KAZN: variants seen among roughly 807,000 people sequenced by gnomAD.
KAZN encodes kazrin, periplakin interacting protein.
In KAZN, 40 loss-of-function variants were observed where a neutral mutation model predicts 87.4. The observed-to-expected ratio is 0.46, with a 90% CI of 0.36 to 0.60. The LOEUF (loss-of-function observed/expected upper bound fraction) is 0.60. Ranked by LOEUF, KAZN falls within the 20% of genes least tolerant of loss-of-function variation. The pLI is 0.00. For missense variants in KAZN, 898 were observed against 1,073.9 expected (o/e 0.84, Z 2.29); for synonymous variants, 466 against 458.3 (o/e 1.02, Z -0.22).
chr1:13,943,063 G>A (rs1232306371), intron 1 of KAZN, among the ~76,000 whole-genome samples: 3 of 152,168 alleles, frequency 2.0e-5, no homozygotes, highest in Admixed American at 2.0e-4. Context: ...AAGAGATACT[G>A]GCCAAGATTT....
chr1:13,977,824 G>A (rs1178753824), intron 1 of KAZN, among the ~76,000 whole-genome samples: 1 of 152,150 alleles, frequency 6.6e-6, no homozygotes, highest in Non-Finnish European at 1.5e-5. Context: ...ATTTCACCTT[G>A]ATGCAATTGT....
intron 1 of KAZN, among the ~76,000 whole-genome samples, chr1:14,729,804 G>T (rs534180709): frequency 1.3e-5 from 2 of 152,266 alleles, no homozygotes; most frequent in Non-Finnish European, 1.5e-5. Context: ...GCCTGTTTCC[G>T]TGTGGCCTAT....
chr1:13,894,393 T>G (rs1638954724), intron 1 of KAZN, among the ~76,000 whole-genome samples: 1 of 57,238 alleles, frequency 1.7e-5, no homozygotes, highest in Non-Finnish European at 3.0e-5. Context: ...GATGCACATG[T>G]GGTCACATAA....
intron 1 of KAZN, among the ~76,000 whole-genome samples, chr1:14,718,180 GCAC>G (rs1642907262): frequency 6.6e-6 from 1 of 152,208 alleles, no homozygotes; most frequent in South Asian, 2.1e-4. Context: ...CCAGCTGTTT[GCAC>G]CACCACTTCA....
intron 2 of KAZN, among the ~76,000 whole-genome samples, chr1:14,452,634 G>C (rs193166666): frequency 2.7e-4 from 41 of 151,974 alleles, no homozygotes; most frequent in Admixed American, 1.4e-3. Context: ...ATACAGGGAA[G>C]AGTCAGATGG....
In KAZN at chr1:14,988,679, G is replaced by A. The variant is rs1414421919; in HGVS notation, c.418+27804G>A. On this transcript the variant is annotated intron_variant, in intron 2 of 14. Transcript: ENST00000376030. ...ATCCCTATTCTTAAGTATCTGTTTG[G>A]GCTGGGGCTGTCACTCCACTGATGC... Among the ~76,000 whole-genome samples the A allele has an allele frequency of 3.3e-5, 5 of 152,172 alleles. No individual in the cohort carries two copies. In the East Asian group the frequency reaches 9.6e-4, roughly 29 times the overall value.
chr1:14,535,406 G>T (rs531786637), intron 2 of KAZN, among the ~76,000 whole-genome samples: 3 of 152,208 alleles, frequency 2.0e-5, no homozygotes, highest in Admixed American at 2.0e-4. Context: ...GTGGGCTCAC[G>T]CCTGTAATCC....
chr1:14,791,514 GC>G (rs1645673813), intron 1 of KAZN, among the ~76,000 whole-genome samples: 1 of 152,216 alleles, frequency 6.6e-6, no homozygotes, highest in South Asian at 2.1e-4. Context: ...TGACTTGCAA[GC>G]CCCCAGTCTC....
chr1:14,943,000 T>TG lies in KAZN; in HGVS notation c.227-17683dup, dbSNP rs111894206. On this transcript the variant is annotated intron_variant, in intron 1 of 14. Coordinates refer to ENST00000376030, the MANE Select transcript of KAZN (RefSeq NM_201628.3). ...GAACTGGATGTGAGCTGCGTGTGTG[T>TG]GTGTGTGGTGTGTGTGTGTGTGTGT... is the stretch of plus-strand genomic sequence containing the variant. Among the ~76,000 whole-genome samples the TG allele has an allele frequency of 2.8e-3, 343 of 123,988 alleles. 3 individuals carry two copies. The highest frequency in any genetic ancestry group is 9.3e-3 in the African/African-American group (249 of 26,804). 81.3% of individuals were successfully genotyped at this position (123,988 alleles called of 152,430 possible). A position where few individuals can be genotyped will look rare whatever the true frequency, so the allele number is the denominator to read the frequency against.
chr1:14,642,378 T>C (rs1680471830), intron 1 of KAZN, among the ~76,000 whole-genome samples: 1 of 152,220 alleles, frequency 6.6e-6, no homozygotes, highest in East Asian at 1.9e-4. Flanking sequence ...CCAGCCTGGG[T>C]GACAGAGTGA....
intron 2 of KAZN, among the ~76,000 whole-genome samples, chr1:14,250,591 C>G (rs558070592): frequency 2.6e-5 from 4 of 151,406 alleles, no homozygotes; most frequent in African/African-American, 9.7e-5. Flanking sequence ...TGGTGAGATT[C>G]AACATTAAGA....
rs1344189047 is a variant in KAZN, at chr1:14,805,804, T to TAATAAA, written c.227-154878_227-154877insTAAAAA. ...ATAATAATAATAATAATAATAATAATAAATTAAAATCTGGCTAGATAGGTG... is the reference window on the plus strand; with the variant it reads ...ATAATAATAATAATAATAATAATAATAATAAAAAATTAAAATCTGGCTAGATAGGTG... On this transcript the variant is annotated intron_variant, in intron 1 of 14. Coordinates refer to ENST00000376030, the MANE Select transcript of KAZN (RefSeq NM_201628.3). Among the ~76,000 whole-genome samples the TAATAAA allele has an allele frequency of 2.1e-4, 27 of 126,014 alleles. No individual in the cohort carries two copies. In the East Asian group the frequency reaches 4.3e-3, roughly 20 times the overall value. 82.7% of individuals were successfully genotyped at this position (126,014 alleles called of 152,430 possible).
At chr1:13,919,677 C>T (rs189114074) in intron 1 of KAZN, among the ~76,000 whole-genome samples, 2 of 152,110 alleles carry the variant, frequency 1.3e-5, no homozygotes, top group Non-Finnish European at 2.9e-5. Context: ...ATTGGGTTAT[C>T]TGTGTTTTCC....
rs141853134 is a variant in KAZN, at chr1:14,303,305, G to A, written c.249+122713G>A. ...GTTGCCCAGGATGGAGTGCCGTGGTGAGATCTTGGCTCACTGCAACCTCCA... is the reference window on the plus strand; with the variant it reads ...GTTGCCCAGGATGGAGTGCCGTGGTAAGATCTTGGCTCACTGCAACCTCCA... On this transcript the variant is annotated intron_variant, in intron 2 of 16. Transcript: ENST00000636203. 1.6e-4 allele frequency among the ~76,000 whole-genome samples: 24 copies of A among 152,186 alleles called. No homozygotes were observed. In the East Asian group the frequency reaches 4.6e-3, roughly 29 times the overall value.
At chr1:14,019,549 C>T (rs981138176) in intron 1 of KAZN, among the ~76,000 whole-genome samples, 1 of 152,212 alleles carries the variant, frequency 6.6e-6, no homozygotes, top group African/African-American at 2.4e-5. Flanking sequence ...ACCAGCACAA[C>T]TTCATACAAC....
chr1:14,331,034 C>G (rs950592541), intron 2 of KAZN, among the ~76,000 whole-genome samples: 1 of 152,170 alleles, frequency 6.6e-6, no homozygotes, highest in African/African-American at 2.4e-5. Flanking sequence ...TGAATAAAGA[C>G]TACAATTCCC....
chr1:14,931,040 G>A (rs764034352), intron 1 of KAZN, among the ~76,000 whole-genome samples: 14 of 152,082 alleles, frequency 9.2e-5, no homozygotes, highest in Non-Finnish European at 1.9e-4. Context: ...GGGTGAACCC[G>A]TTTCCTCTAC....
At chr1:14,648,111 C>G (rs1680946391) in intron 1 of KAZN, among the ~76,000 whole-genome samples, 1 of 152,100 alleles carries the variant, frequency 6.6e-6, no homozygotes. Context: ...TATGCTTAAG[C>G]CAAAAAGCCC....
At chr1:14,014,695 G>A (rs540145216) in intron 1 of KAZN, among the ~76,000 whole-genome samples, 11 of 152,288 alleles carry the variant, frequency 7.2e-5, no homozygotes, top group Non-Finnish European at 1.5e-4. Flanking sequence ...TCAATGTCCA[G>A]CATAAATGTT....
Sources: gnomAD v4.1 joint callset for allele counts (sites outside exome capture counted in the v4.1 genomes callset) on GRCh38, gnomAD v4.1.1 for gene constraint, MANE v1.5 for transcripts, NCBI Gene and HGNC (gene_info 2026-07-23, HGNC 2026-07-21) for gene names.